MTMR8: variants seen among roughly 807,000 people sequenced by gnomAD.
MTMR8 encodes phosphatidylinositol-3,5-bisphosphate 3-phosphatase MTMR8.
Under a neutral mutation model 39.3 loss-of-function variants are expected in MTMR8, and 65 were observed. The ratio of observed to expected loss-of-function variants is 1.65; its 90% confidence interval spans 1.35 to 2.03. The LOEUF is 2.03. Among genes scored for constraint, MTMR8 ranks in the 30% most tolerant of loss-of-function variants. The probability of loss-of-function intolerance (pLI) is 0.00; values close to 1 mark genes in which losing one functional copy is unlikely to be tolerated. For synonymous variants in MTMR8, 245 were observed against 185.2 expected, an observed-to-expected ratio of 1.32 and a Z score of -2.62; for missense variants, 777 against 538.9, an observed-to-expected ratio of 1.44 and a Z score of -4.37.
At chrX:64,336,491 C>A (rs1204664524) in intron 9 of MTMR8, among the ~76,000 whole-genome samples, 2 of 95,595 alleles carry the variant, frequency 2.1e-5, no homozygotes, top group Admixed American at 2.1e-4. Flanking sequence ...CCATTTTTAA[C>A]CATTAAAAAA....
chrX:64,320,477 G>T (rs1252143567), intron 12 of MTMR8, among the ~76,000 whole-genome samples: 1 of 110,655 alleles, frequency 9.0e-6, no homozygotes, highest in African/African-American at 3.3e-5. Context: ...TAAGGTATGG[G>T]CTCAGGACCT....
In MTMR8 at chrX:64,343,654, C is replaced by T. The variant is rs1207783427; in HGVS notation, c.932G>A (p.Arg311Lys). The change falls in exon 8 of 14, where the codon AGA becomes AAA. Residue 311 changes from arginine (R) to lysine (K), a missense_variant. Coordinates refer to ENST00000374852, the MANE Select transcript of MTMR8 (RefSeq NM_017677.4). ...AGCATCCATAATAGCTTTAATGTGT[C>T]TTAACCACCCTGAGCTCTCCAGGCC... ...LSGLESSGWL[R>K]HIKAIMDAGI... is the part of the protein sequence containing the mutation. 8.3e-7 allele frequency: 1 copy of T among 1,206,961 alleles called. No homozygotes were observed. The highest frequency in any genetic ancestry group is 1.1e-6 in the Non-Finnish European group (1 of 892,767).
chrX:64,304,190 A>G (rs1226997961), intron 12 of MTMR8, among the ~76,000 whole-genome samples: 2 of 112,125 alleles, frequency 1.8e-5, no homozygotes, highest in Non-Finnish European at 3.8e-5. Context: ...CGGGGAGGAA[A>G]AGGGGTAAGG....
At chrX:64,286,016 A>G (rs1921158235) in intron 12 of MTMR8, among the ~76,000 whole-genome samples, 1 of 112,016 alleles carries the variant, frequency 8.9e-6, no homozygotes, top group Non-Finnish European at 1.9e-5. Context: ...AAAACTCTTC[A>G]AAAAATCAAT....
intron 6 of MTMR8, among the ~76,000 whole-genome samples, chrX:64,345,681 A>G (rs764473825): frequency 0.014 from 1,578 of 111,998 alleles, 34 homozygotes; most frequent in African/African-American, 0.047. Flanking sequence ...CACAATCACA[A>G]GGTTCAATGC....
At chrX:64,323,907 G>A (rs775014397) in intron 12 of MTMR8, among the ~76,000 whole-genome samples, 12 of 112,345 alleles carry the variant, frequency 1.1e-4, no homozygotes, top group Non-Finnish European at 2.1e-4. Context: ...TTGGGACACA[G>A]CTAATGCAGT....
chrX:64,317,603 AT>A (rs757592492), intron 12 of MTMR8, among the ~76,000 whole-genome samples: 1 of 111,227 alleles, frequency 9.0e-6, no homozygotes, highest in East Asian at 2.8e-4. Context: ...CAGGTTTGCA[AT>A]TGTTTCTTGA....
rs766605948 is a variant in MTMR8 at position 64,356,052 on chromosome X, T to C, written c.310+124A>G. The C allele has an allele frequency of 1.1e-5, 7 of 639,299 alleles. No homozygotes were observed. The African/African-American group carries it at 1.6e-4, about 15-fold the overall frequency. The allele number at this position is 639,299 out of a possible 1,213,427, so 52.7% of individuals were successfully genotyped here. On this transcript the variant is annotated intron_variant, in intron 3 of 13. Transcript: ENST00000374852. The stretch of plus-strand genomic sequence containing the variant: ...GGTTATATAACTTGCCCAAATATAA[T>C]GGAGCTAATAAGTGGTACAGCCCAG...
intron 12 of MTMR8, among the ~76,000 whole-genome samples, chrX:64,290,596 C>T (rs1434083261): frequency 1.8e-5 from 2 of 110,580 alleles, no homozygotes; most frequent in Non-Finnish European, 3.8e-5. Context: ...TTAGTAGCCA[C>T]ACCCACCTCC....
In MTMR8 at chrX:64,356,354, G is replaced by T. The variant is rs770832331; in HGVS notation, c.148-16C>A. ...GGAGTGCAATCTGAAAAACATAAAA[G>T]AACCAGCGTAAACATACAGATGTGC... On this transcript the variant is annotated splice_polypyrimidine_tract_variant and intron_variant, in intron 2 of 13. Coordinates refer to ENST00000374852, the MANE Select transcript of MTMR8 (RefSeq NM_017677.4). The T allele has an allele frequency of 3.3e-5, 39 of 1,190,767 alleles. No individual in the cohort carries two copies. Among genetic ancestry groups the T allele is most frequent in the Non-Finnish European group, 4.2e-5 (37 of 885,253 alleles).
chrX:64,270,809 A>T, intron 13 of MTMR8, 138 bp downstream of exon 13: 1 of 585,023 alleles, frequency 1.7e-6, no homozygotes, highest in Non-Finnish European at 2.5e-6. Flanking sequence ...AGAGATTTGT[A>T]GACACGGGAC....
chrX:64,355,058 G>A (rs1483940116), intron 3 of MTMR8, 124 bp from the exon 4 acceptor site: 3 of 562,976 alleles, frequency 5.3e-6, no homozygotes, highest in East Asian at 8.0e-5. Flanking sequence ...CCCCAGAAAA[G>A]GACTGTGGTG....
chrX:64,384,541 G>A (rs943387405), intron 1 of MTMR8, among the ~76,000 whole-genome samples: 1 of 112,142 alleles, frequency 8.9e-6, no homozygotes, highest in Admixed American at 9.4e-5. Flanking sequence ...CTGAAATATA[G>A]GCAGAGGCCC....
In MTMR8 at chrX:64,354,935, C is replaced by T; in HGVS notation, c.311-1G>A. ...AAAGCATAAAGATCTTCAGGTAATG[C>T]TGGAGAAGAGAGATAGGCATGGAAA... On this transcript the variant is annotated splice_acceptor_variant, in intron 3 of 13. Coordinates refer to ENST00000374852, the MANE Select transcript of MTMR8 (RefSeq NM_017677.4). LOFTEE classifies it high-confidence loss of function. 8.4e-7 allele frequency: 1 copy of T among 1,185,861 alleles called. No individual in the cohort carries two copies.
intron 1 of MTMR8, among the ~76,000 whole-genome samples, chrX:64,392,120 C>T (rs1329493647): frequency 9.0e-6 from 1 of 111,677 alleles, no homozygotes; most frequent in Non-Finnish European, 1.9e-5. Context: ...GAACCCTAAG[C>T]TATATCTTAG....
chrX:64,286,728 TA>T (rs1353807443), intron 12 of MTMR8, among the ~76,000 whole-genome samples: 9 of 111,650 alleles, frequency 8.1e-5, no homozygotes, highest in African/African-American at 2.9e-4. Context: ...ATTATCTCAA[TA>T]GATGCAGAAA....
At chrX:64,311,264 T>A (rs1230438265) in intron 12 of MTMR8, among the ~76,000 whole-genome samples, 1 of 112,257 alleles carries the variant, frequency 8.9e-6, no homozygotes, top group Non-Finnish European at 1.9e-5. Context: ...ATGACGAGCA[T>A]TTTTTCATGT....
intron 12 of MTMR8, chrX:64,306,781 G>C (rs1432420164): frequency 9.0e-6 from 1 of 111,178 alleles, no homozygotes; most frequent in Admixed American, 9.7e-5. Context: ...GGCCCCACAG[G>C]ATCTGCCCCA....
At chrX:64,389,136 T>C (rs1924634366) in intron 1 of MTMR8, among the ~76,000 whole-genome samples, 1 of 111,915 alleles carries the variant, frequency 8.9e-6, no homozygotes, top group Admixed American at 9.5e-5. Flanking sequence ...CATATAAATA[T>C]GTAATACTTA....
Sources: gnomAD v4.1 joint callset for allele counts (sites outside exome capture counted in the v4.1 genomes callset) on GRCh38, gnomAD v4.1.1 for gene constraint, MANE v1.5 for transcripts, NCBI Gene and HGNC (gene_info 2026-07-23, HGNC 2026-07-21) for gene names.